The following RUBCNL variants were observed in gnomAD, a reference collection of about 807,000 sequenced individuals.
The protein encoded by RUBCNL is protein associated with UVRAG as autophagy enhancer.
Under a neutral mutation model 69.5 loss-of-function variants are expected in RUBCNL, and 62 were observed. That is an observed-to-expected ratio of 0.89 (90% CI 0.73 to 1.10). The LOEUF is 1.10. Among genes scored for constraint, RUBCNL ranks in the 50% least tolerant of loss-of-function variants. RUBCNL has a pLI of 0.00. For missense variants in RUBCNL, 768 were observed against 798.1 expected (o/e 0.96, Z 0.45); for synonymous variants, 291 against 303.6 (o/e 0.96, Z 0.43).
intron 1 of RUBCNL, among the ~76,000 whole-genome samples, chr13:46,383,378 C>G (rs1173134609): frequency 6.6e-6 from 1 of 152,214 alleles, no homozygotes; most frequent in African/African-American, 2.4e-5. Context: ...AAAACCACAT[C>G]TCTACAGATA....
At chr13:46,368,912 A>G in intron 3 of RUBCNL, 97 bp from the exon 4 acceptor site, 1 of 840,172 alleles carries the variant, frequency 1.2e-6, no homozygotes, top group South Asian at 1.6e-5. Flanking sequence ...TAAATAATGT[A>G]AAAAAATAAG....
intron 9 of RUBCNL, 101 bp from the exon 10 acceptor site, chr13:46,356,597 A>C: frequency 1.1e-6 from 1 of 927,428 alleles, no homozygotes. Flanking sequence ...TTTCTAACTA[A>C]GGGCCTTAAC....
chr13:46,377,798 T>G, intron 2 of RUBCNL, 92 bp downstream of exon 2: 1 of 622,212 alleles, frequency 1.6e-6, no homozygotes, highest in Non-Finnish European at 2.7e-6. Context: ...GCATTGAGAG[T>G]TAGAATAGGC....
chr13:46,346,622 A>C (rs259734), intron 12 of RUBCNL, among the ~76,000 whole-genome samples: 47,010 of 151,998 alleles, frequency 0.31, 7,449 homozygotes, highest in Middle Eastern at 0.36. Context: ...GTTGTGGATG[A>C]AAAAACCGAG....
chr13:46,361,660 C>T, intron 7 of RUBCNL, 87 bp from the exon 8 acceptor site: 1 of 1,399,620 alleles, frequency 7.1e-7, no homozygotes, highest in South Asian at 1.3e-5. Flanking sequence ...CTGTTCTTCC[C>T]AGCCCCCAAA....
intron 1 of RUBCNL, chr13:46,385,143 C>A: frequency 3.5e-6 from 1 of 284,262 alleles, no homozygotes. Context: ...AGAATTGTAG[C>A]ACGTGTATCA....
At chr13:46,385,764 ATGT>A (rs2138863445) in intron 1 of RUBCNL, among the ~76,000 whole-genome samples, 1 of 152,232 alleles carries the variant, frequency 6.6e-6, no homozygotes, top group East Asian at 1.9e-4. Flanking sequence ...TCAGCCAACA[ATGT>A]TTTTGTTGTT....
intron 10 of RUBCNL, chr13:46,354,789 A>G (rs1047183031): frequency 2.2e-6 from 1 of 456,610 alleles, no homozygotes. Flanking sequence ...TCTTCCCTAA[A>G]AGATGATAAG....
rs2048814295 is a variant in RUBCNL at position 46,368,738 on chromosome 13, C to G, written c.613G>C (p.Glu205Gln). 5 of 1,612,530 alleles carry G rather than the reference C, an allele frequency of 3.1e-6. No individual in the cohort carries two copies. In the South Asian group the frequency reaches 5.5e-5, roughly 18 times the overall value. ...PEVFVLPVDV[E>Q]KENAHFYVAD... ...AGAAAGAAGATAGCATTCACCTTTT[C>G]TACATCAACAGGCAGCACAAATACC... is the stretch of plus-strand genomic sequence containing the variant. Residue 205 changes from glutamate to glutamine, a missense_variant, in exon 4 of 15, where the codon GAA becomes CAA. Coordinates refer to ENST00000429979, the MANE Select transcript of RUBCNL (RefSeq NM_025113.5).
chr13:46,369,073 G>A (rs1333301567), intron 3 of RUBCNL, among the ~76,000 whole-genome samples: 3 of 152,184 alleles, frequency 2.0e-5, no homozygotes, highest in African/African-American at 7.2e-5. Flanking sequence ...GGAGACCAAT[G>A]AGGAAAAGAG....
chr13:46,383,760 C>T (rs1320369570), intron 1 of RUBCNL, among the ~76,000 whole-genome samples: 1 of 152,178 alleles, frequency 6.6e-6, no homozygotes, highest in Non-Finnish European at 1.5e-5. Context: ...TTTGGAAAAA[C>T]AGAAAGCAAG....
At position 46,387,161 on chromosome 13, in the gene RUBCNL, G is replaced by C; in HGVS notation, c.-266C>G. ...AGCCAAACCCGAGCGGTGGAACGCT[G>C]CGCTGGGTAAACGCCGCGCGTCGGG... On this transcript the variant is annotated 5_prime_UTR_variant, in exon 1 of 15. Transcript: ENST00000429979. The C allele has an allele frequency of 5.1e-6, 5 of 985,386 alleles. No homozygotes were observed. The highest frequency in any genetic ancestry group is 6.0e-6 in the Non-Finnish European group (5 of 829,960). The allele number at this position is 985,386 out of a possible 1,614,324, so 61.0% of individuals were successfully genotyped here. A position where few individuals can be genotyped will look rare whatever the true frequency, so the allele number is the denominator to read the frequency against.
At position 46,343,470 on chromosome 13, in the gene RUBCNL, C is replaced by T; in HGVS notation, c.1904G>A (p.Cys635Tyr). ...SACRACFHKQ[C>Y]FQSSECPRCA... The stretch of plus-strand genomic sequence containing the variant: ...CCGGGGGCACTCGGAGGACTGGAAG[C>T]ACTGTTTGTGAAAGCAAGCCCTGCA... Residue 635 changes from cysteine (C) to tyrosine (Y), a missense_variant, in exon 15 of 15, where the codon TGC becomes TAC. Cys to Tyr is a radical substitution (Grantham distance 194, BLOSUM62 -2). Coordinates refer to ENST00000429979, the MANE Select transcript of RUBCNL (RefSeq NM_025113.5). The T allele has an allele frequency of 6.2e-7, 1 of 1,613,944 alleles. No individual in the cohort carries two copies. The highest frequency in any genetic ancestry group is 1.3e-5 in the African/African-American group (1 of 75,034).
rs1594127652 is a variant in RUBCNL, at chr13:46,344,510, G to T, written c.1876+231C>A. On this transcript the variant is annotated intron_variant, in intron 14 of 14. Transcript: ENST00000429979. ...TCTCCTCTATCCAAACCCTGCACCA[G>T]AAGACATTATCCTTTATCCCTGCCC... is the stretch of plus-strand genomic sequence containing the variant. Among the ~76,000 whole-genome samples the T allele has an allele frequency of 2.0e-5, 3 of 152,236 alleles. No individual in the cohort carries two copies. The South Asian group carries it at 6.2e-4, about 32-fold the overall frequency.
At position 46,335,216 on chromosome 13, in the gene RUBCNL, C is replaced by T. The variant is rs1370178116; in HGVS notation, c.*8169G>A. ...GGTAGCTGGGAATACTGGCACACACCATTGTGCCCAGCTAATTTGTGTCTT... is the reference window on the plus strand; with the variant it reads ...GGTAGCTGGGAATACTGGCACACACTATTGTGCCCAGCTAATTTGTGTCTT... On this transcript the variant is annotated 3_prime_UTR_variant, in exon 15 of 15. Coordinates refer to ENST00000429979, the MANE Select transcript of RUBCNL (RefSeq NM_025113.5). Among the ~76,000 whole-genome samples, 1 of 151,146 alleles carries T rather than the reference C, an allele frequency of 6.6e-6. No individual in the cohort carries two copies. Among genetic ancestry groups the T allele is most frequent in the Non-Finnish European group, 1.5e-5 (1 of 67,928 alleles).
At chr13:46,353,465 T>C (rs188877815) in intron 10 of RUBCNL, among the ~76,000 whole-genome samples, 2 of 152,354 alleles carry the variant, frequency 1.3e-5, no homozygotes, top group East Asian at 3.9e-4. Flanking sequence ...TCTTTTTTAA[T>C]TTCCTAAGTC....
At chr13:46,353,705 A>C (rs2048420772) in intron 10 of RUBCNL, among the ~76,000 whole-genome samples, 1 of 152,332 alleles carries the variant, frequency 6.6e-6, no homozygotes, top group African/African-American at 2.4e-5. Context: ...AATTGTCCTC[A>C]TTTTATGAAA....
At chr13:46,351,323 C>T (rs1202324616) in intron 10 of RUBCNL, among the ~76,000 whole-genome samples, 1 of 152,132 alleles carries the variant, frequency 6.6e-6, no homozygotes, top group East Asian at 1.9e-4. Flanking sequence ...AAGTGAGATA[C>T]TCTGTTTTGA....
At chr13:46,359,846 C>T (rs1315834459) in intron 8 of RUBCNL, among the ~76,000 whole-genome samples, 3 of 152,152 alleles carry the variant, frequency 2.0e-5, no homozygotes, top group African/African-American at 7.2e-5. Flanking sequence ...GATCACTTTT[C>T]TTAGTATTTT....
Sources: allele counts gnomAD v4.1 joint callset (sites outside exome capture counted in the v4.1 genomes callset), GRCh38; gene constraint gnomAD v4.1.1; transcripts MANE v1.5; gene names NCBI Gene and HGNC (gene_info 2026-07-23, HGNC 2026-07-21).